XPR1: variants seen among roughly 807,000 people sequenced by gnomAD.
The protein encoded by XPR1 is solute carrier family 53 member 1.
Under a neutral mutation model 87.5 loss-of-function variants are expected in XPR1, and 28 were observed. The observed-to-expected ratio is 0.32, with a 90% CI of 0.24 to 0.44. The LOEUF is 0.44. XPR1 is among the 20% of genes least tolerant of loss of function. XPR1 has a pLI of 1.00. For missense variants in XPR1, 559 were observed against 862.3 expected (o/e 0.65, Z 4.41); for synonymous variants, 300 against 306.1 (o/e 0.98, Z 0.21).
intron 12 of XPR1, among the ~76,000 whole-genome samples, chr1:180,866,911 A>G (rs1652415332): frequency 1.7e-5 from 2 of 119,704 alleles, no homozygotes; most frequent in Non-Finnish European, 3.4e-5. Context: ...CGCTGCACCC[A>G]CTAACGTGTC....
rs1384023654 is a variant in XPR1 at position 180,714,640 on chromosome 1, A to G, written c.121+32229A>G. Among the ~76,000 whole-genome samples, 29 of 152,166 alleles carry G rather than the reference A, an allele frequency of 1.9e-4. 1 individual carries two copies. The highest frequency in any genetic ancestry group is 6.5e-4 in the African/African-American group (27 of 41,506). ...GCCTGGTCTTGAACTCCTGGGCTCA[A>G]GGGGTCCTCCTGCCTTGGCCGTCCA... is the stretch of plus-strand genomic sequence containing the variant. On this transcript the variant is annotated intron_variant, in intron 2 of 14. Coordinates refer to ENST00000367590, the MANE Select transcript of XPR1 (RefSeq NM_004736.4).
rs1557930837 is a variant in XPR1, at chr1:180,632,582, C to T, written c.69+312C>T. 2.0e-5 allele frequency among the ~76,000 whole-genome samples: 3 copies of T among 152,350 alleles called. No homozygotes were observed. In the South Asian group the frequency reaches 6.2e-4, roughly 32 times the overall value. ...GGGTGAGCTGCAGGTGGGGGAGTCA[C>T]GGTGCGAGGGCAGCCCCGGGTCGCG... On this transcript the variant is annotated intron_variant, in intron 1 of 14. Coordinates refer to ENST00000367590, the MANE Select transcript of XPR1 (RefSeq NM_004736.4).
intron 1 of XPR1, among the ~76,000 whole-genome samples, chr1:180,659,682 C>T (rs1166333938): frequency 2.7e-5 from 4 of 148,864 alleles, no homozygotes; most frequent in African/African-American, 9.9e-5. Context: ...CCATGCCTGG[C>T]TAATTTTTGT....
At position 180,889,131 on chromosome 1, in the gene XPR1, A is replaced by G. The variant is rs1653106283; in HGVS notation, c.*5065A>G. Reference sequence around the variant, plus strand: ...GAGAACAAGATGAGAGTTTCCCTTAAAGTGAGGAGAATCATTATACAACTT... The same window carrying G: ...GAGAACAAGATGAGAGTTTCCCTTAGAGTGAGGAGAATCATTATACAACTT... On this transcript the variant is annotated 3_prime_UTR_variant, in exon 15 of 15. Transcript: ENST00000367590. 6.6e-6 allele frequency: 1 copy of G among 152,212 alleles called. No individual in the cohort carries two copies. 9.4% of individuals were successfully genotyped at this position (152,212 alleles called of 1,614,324 possible). A position where few individuals can be genotyped will look rare whatever the true frequency, so the allele number is the denominator to read the frequency against.
Position 180,646,596 on chromosome 1 carries a change from CT to C in XPR1, c.69+14329del, listed in dbSNP as rs754501298. 6.6e-5 allele frequency among the ~76,000 whole-genome samples: 10 copies of C among 152,064 alleles called. 1 individual carries two copies. Among genetic ancestry groups the C allele is most frequent in the Admixed American group, 5.9e-4 (9 of 15,252 alleles). On this transcript the variant is annotated intron_variant, in intron 1 of 14. Transcript: ENST00000367590. ...CCTTGGTATTTTCTTTTAAATGCAGCTTTCTTTTTTTTGGCAGTCTTAGAAC... is the reference window on the plus strand; with the variant it reads ...CCTTGGTATTTTCTTTTAAATGCAGCTTCTTTTTTTTGGCAGTCTTAGAAC...
chr1:180,859,581 G>A (rs1652153097), intron 11 of XPR1, among the ~76,000 whole-genome samples: 1 of 152,156 alleles, frequency 6.6e-6, no homozygotes, highest in Non-Finnish European at 1.5e-5. Context: ...TCACTTGAGA[G>A]ATGGGAAAGA....
chr1:180,838,127 A>G (rs1029765195), intron 11 of XPR1, among the ~76,000 whole-genome samples: 8 of 152,328 alleles, frequency 5.3e-5, no homozygotes, highest in East Asian at 3.9e-4. Context: ...TAAATGGTCT[A>G]TTAACACATA....
intron 1 of XPR1, among the ~76,000 whole-genome samples, chr1:180,670,021 T>C (rs546901809): frequency 1.3e-5 from 2 of 152,326 alleles, no homozygotes; most frequent in South Asian, 4.1e-4. Context: ...TAAAAAAATA[T>C]GATATTCTCC....
intron 9 of XPR1, among the ~76,000 whole-genome samples, chr1:180,829,786 T>C (rs1213432774): frequency 6.6e-6 from 1 of 152,170 alleles, no homozygotes; most frequent in Non-Finnish European, 1.5e-5. Context: ...CTTCCTTTTT[T>C]CATTTTCTCT....
rs1410402491 is a variant in XPR1, at chr1:180,886,503, C to G, written c.*2437C>G. 1 of 152,172 alleles carries G rather than the reference C, an allele frequency of 6.6e-6. No individual in the cohort carries two copies. The highest frequency in any genetic ancestry group is 1.5e-5 in the Non-Finnish European group (1 of 68,018). The allele number at this position is 152,172 out of a possible 1,614,324, so 9.4% of individuals were successfully genotyped here. A position where few individuals can be genotyped will look rare whatever the true frequency, so the allele number is the denominator to read the frequency against. On this transcript the variant is annotated 3_prime_UTR_variant, in exon 15 of 15. Transcript: ENST00000367590. Reference sequence around the variant, plus strand: ...TAGTCTTTCTTCAACTGTTACAGTTCTAGGCCCTAATCGGTCTTATTCTTT... The same window carrying G: ...TAGTCTTTCTTCAACTGTTACAGTTGTAGGCCCTAATCGGTCTTATTCTTT...
intron 2 of XPR1, among the ~76,000 whole-genome samples, chr1:180,768,196 G>A (rs1648365721): frequency 6.6e-6 from 1 of 151,656 alleles, no homozygotes; most frequent in Non-Finnish European, 1.5e-5. Flanking sequence ...GTAGAGGTTT[G>A]ACCTAAAACT....
chr1:180,702,354 C>T (rs1425006014), intron 2 of XPR1, among the ~76,000 whole-genome samples: 1 of 143,270 alleles, frequency 7.0e-6, no homozygotes, highest in Non-Finnish European at 1.5e-5. Flanking sequence ...GCTTTACTTC[C>T]AACTATGTGG....
chr1:180,665,775 C>T (rs1040928079), intron 1 of XPR1, among the ~76,000 whole-genome samples: 2 of 152,158 alleles, frequency 1.3e-5, no homozygotes, highest in African/African-American at 4.8e-5. Flanking sequence ...GATTGTCCGT[C>T]CTACCTTCTT....
At chr1:180,705,827 T>G (rs1321175643) in intron 2 of XPR1, among the ~76,000 whole-genome samples, 1 of 152,164 alleles carries the variant, frequency 6.6e-6, no homozygotes, top group Non-Finnish European at 1.5e-5. Flanking sequence ...AGTAACACAA[T>G]ATATTAGGTA....
chr1:180,724,987 C>T (rs1302357792), intron 2 of XPR1, among the ~76,000 whole-genome samples: 2 of 152,148 alleles, frequency 1.3e-5, no homozygotes, highest in Admixed American at 1.3e-4. Context: ...ATAGAATGAA[C>T]CTCCATGGTG....
chr1:180,813,040 T>TCCCC (rs34147299), intron 7 of XPR1, among the ~76,000 whole-genome samples: 13 of 137,004 alleles, frequency 9.5e-5, no homozygotes, highest in East Asian at 4.9e-4. Flanking sequence ...GTGTCTTTTT[T>TCCCC]CCCCCCCCCC....
intron 11 of XPR1, among the ~76,000 whole-genome samples, chr1:180,842,061 T>C (rs1651534489): frequency 6.6e-6 from 1 of 152,194 alleles, no homozygotes; most frequent in Non-Finnish European, 1.5e-5. Context: ...ACATGGACTT[T>C]AGAAATAATC....
At chr1:180,799,850 C>T (rs1404570591) in intron 3 of XPR1, among the ~76,000 whole-genome samples, 2 of 152,216 alleles carry the variant, frequency 1.3e-5, no homozygotes, top group South Asian at 2.1e-4. Context: ...ATACCATATC[C>T]GGAATAGCAG....
chr1:180,670,583 A>G (rs936519277), intron 1 of XPR1, among the ~76,000 whole-genome samples: 1 of 152,226 alleles, frequency 6.6e-6, no homozygotes, highest in Non-Finnish European at 1.5e-5. Flanking sequence ...TAAAATAATA[A>G]TTCTTTTGAA....
Sources: allele counts gnomAD v4.1 joint callset (sites outside exome capture counted in the v4.1 genomes callset), GRCh38; gene constraint gnomAD v4.1.1; transcripts MANE v1.5; gene names NCBI Gene and HGNC (gene_info 2026-07-23, HGNC 2026-07-21).